HYKK: variants seen among roughly 807,000 people sequenced by gnomAD.
HYKK encodes hydroxylysine kinase, also known as 5-hydroxy-L-lysine kinase.
Under a neutral mutation model 29.7 loss-of-function variants are expected in HYKK, and 19 were observed. The ratio of observed to expected loss-of-function variants is 0.64; its 90% CI spans 0.45 to 0.94. HYKK has a LOEUF of 0.94. Among genes scored for constraint, HYKK ranks in the 40% least tolerant of loss-of-function variants. The pLI, the probability that HYKK is intolerant of heterozygous loss-of-function variation, is 0.00. For missense variants in HYKK, 390 were observed against 443.4 expected, an observed-to-expected ratio of 0.88 and a Z score of 1.08; for synonymous variants, 152 against 158.1, an observed-to-expected ratio of 0.96 and a Z score of 0.29.
chr15:78,513,294 C>T lies in HYKK; in HGVS notation c.206C>T (p.Thr69Ile). The change falls in exon 2 of 5, where the codon ACC (threonine) becomes ATC (isoleucine). Residue 69 changes from threonine (T) to isoleucine (I), a missense_variant. Thr to Ile is a moderately conservative substitution (Grantham distance 89, BLOSUM62 -1). Transcript: ENST00000388988. Reference sequence around the variant, plus strand: ...GAATATGTCCTCAAAATAAGCAACACCAAGGCTAGCAAAAATCCAGACCTG... The same window carrying T: ...GAATATGTCCTCAAAATAAGCAACATCAAGGCTAGCAAAAATCCAGACCTG... Reference protein sequence around the residue: ...PTEYVLKISNTKASKNPDLIE... With the variant: ...PTEYVLKISNIKASKNPDLIE... 1 of 1,614,188 alleles carries T rather than the reference C, an allele frequency of 6.2e-7. No individual in the cohort carries two copies.
intron 3 of HYKK, among the ~76,000 whole-genome samples, chr15:78,518,293 T>A (rs929989634): frequency 6.6e-6 from 1 of 152,142 alleles, no homozygotes; most frequent in Non-Finnish European, 1.5e-5. Flanking sequence ...GCTCAAGGGA[T>A]TCTCCTGCCT....
At chr15:78,508,881 A>AAAAAAAAAAAAT (rs1491522580) in intron 1 of HYKK, among the ~76,000 whole-genome samples, 1 of 19,076 alleles carries the variant, frequency 5.2e-5, no homozygotes, top group Non-Finnish European at 1.4e-4. Context: ...CTCTCTCTCC[A>AAAAAAAAAAAAT]AAAAAAAAAA....
At chr15:78,510,355 TTTTTTATTTTTA>T (rs1555410903) in intron 1 of HYKK, among the ~76,000 whole-genome samples, 1 of 151,852 alleles carries the variant, frequency 6.6e-6, no homozygotes, top group African/African-American at 2.4e-5. Context: ...GGCTAATTTT[TTTTTTATTTTTA>T]TTTTTATTTT....
In HYKK at chr15:78,525,419, G is replaced by A. The variant is rs2052241275; in HGVS notation, c.478-1961G>A. On this transcript the variant is annotated intron_variant, in intron 3 of 4. Coordinates refer to ENST00000388988, the MANE Select transcript of HYKK (RefSeq NM_001013619.4). ...GATCTGCCCGCCTTGGCCTCCCAAA[G>A]TGTTGGGATTACAGGCGTGAGCCAC... Among the ~76,000 whole-genome samples, 5 of 152,224 alleles carry A rather than the reference G, an allele frequency of 3.3e-5. No individual in the cohort carries two copies. The South Asian group carries it at 1.0e-3, about 32-fold the overall frequency.
intron 2 of HYKK, among the ~76,000 whole-genome samples, chr15:78,513,998 C>T (rs1321975840): frequency 6.6e-6 from 1 of 151,924 alleles, no homozygotes; most frequent in Non-Finnish European, 1.5e-5. Context: ...CGCCATGTTG[C>T]CCAGGCTGGT....
intron 1 of HYKK, among the ~76,000 whole-genome samples, chr15:78,510,800 A>G (rs1239283047): frequency 2.0e-5 from 3 of 152,070 alleles, no homozygotes; most frequent in Admixed American, 6.5e-5. Flanking sequence ...TTACTAGTTT[A>G]CTTAGGTTTT....
chr15:78,532,761 C>T (rs2052324487), intron 4 of HYKK, among the ~76,000 whole-genome samples: 1 of 152,090 alleles, frequency 6.6e-6, no homozygotes, highest in African/African-American at 2.4e-5. Flanking sequence ...TGCCACAGTA[C>T]TCCAGCTGGG....
At chr15:78,523,208 C>G (rs2141360288) in intron 3 of HYKK, among the ~76,000 whole-genome samples, 1 of 152,284 alleles carries the variant, frequency 6.6e-6, no homozygotes, top group South Asian at 2.1e-4. Flanking sequence ...GTACAGAAAG[C>G]ATAGTGGCTT....
chr15:78,516,655 G>A (rs2052136586), intron 3 of HYKK, among the ~76,000 whole-genome samples: 2 of 152,032 alleles, frequency 1.3e-5, no homozygotes, highest in African/African-American at 4.8e-5. Context: ...CCTAGCCAGG[G>A]GATTGGTCTT....
At chr15:78,529,847 A>T (rs1429270281) in intron 4 of HYKK, among the ~76,000 whole-genome samples, 5 of 150,442 alleles carry the variant, frequency 3.3e-5, no homozygotes, top group South Asian at 2.1e-4. Context: ...ATAATTCTAA[A>T]TTTTTTTTTT....
At chr15:78,527,844 A>G (rs2052271225) in intron 4 of HYKK, 4 of 734,804 alleles carry the variant, frequency 5.4e-6, no homozygotes, top group Non-Finnish European at 5.3e-6. Context: ...TGTGTTTTTC[A>G]AACTTTATAT....
Position 78,531,390 on chromosome 15 carries a change from T to G in HYKK, c.662-1820T>G, listed in dbSNP as rs75672873. On this transcript the variant is annotated intron_variant, in intron 4 of 4. Transcript: ENST00000388988. ...TCAAGTTTGTTAATCATTTTTAAAT[T>G]TTCTGTAACTTTCACTTACATTTTT... Among the ~76,000 whole-genome samples the G allele has an allele frequency of 3.7e-3, 564 of 152,312 alleles. 16 individuals are homozygous for G. The East Asian group carries it at 0.066, about 18-fold the overall frequency.
At chr15:78,512,465 G>A (rs973745534) in intron 1 of HYKK, among the ~76,000 whole-genome samples, 2 of 145,194 alleles carry the variant, frequency 1.4e-5, no homozygotes, top group Admixed American at 7.1e-5. Flanking sequence ...GTAGTGGTGC[G>A]ATCTTGGCTC....
intron 3 of HYKK, among the ~76,000 whole-genome samples, chr15:78,523,539 A>G (rs2052219503): frequency 6.6e-6 from 1 of 152,138 alleles, no homozygotes; most frequent in Admixed American, 6.5e-5. Flanking sequence ...GTCCTCCCAA[A>G]TGTCATGTCC....
At chr15:78,516,343 CTT>C (rs575124681) in intron 3 of HYKK, among the ~76,000 whole-genome samples, 25 of 115,922 alleles carry the variant, frequency 2.2e-4, no homozygotes, top group Admixed American at 2.9e-4. Flanking sequence ...AAGGGTTGGT[CTT>C]TTTTTTTTTT....
At chr15:78,509,117 A>T (rs1187718820) in intron 1 of HYKK, among the ~76,000 whole-genome samples, 3 of 151,866 alleles carry the variant, frequency 2.0e-5, no homozygotes, top group African/African-American at 4.8e-5. Flanking sequence ...TGATAAACAT[A>T]TTTTTTTCTT....
At chr15:78,526,982 A>G (rs933574426) in intron 3 of HYKK, among the ~76,000 whole-genome samples, 3 of 152,128 alleles carry the variant, frequency 2.0e-5, no homozygotes, top group Non-Finnish European at 1.5e-5. Context: ...TTGATTAAAA[A>G]TGTGTAGCAC....
intron 3 of HYKK, among the ~76,000 whole-genome samples, chr15:78,516,180 T>G (rs978749710): frequency 1.1e-4 from 16 of 152,104 alleles, no homozygotes; most frequent in African/African-American, 3.9e-4. Flanking sequence ...AACATCTTCA[T>G]TTATTCAATA....
intron 1 of HYKK, among the ~76,000 whole-genome samples, chr15:78,508,152 C>T (rs7168796): frequency 0.95 from 144,707 of 152,252 alleles, 69,258 homozygotes; most frequent in East Asian, 1. Context: ...TAGTAATGCA[C>T]TGTTGTCTTT....
Sources: gnomAD v4.1 joint callset for allele counts (sites outside exome capture counted in the v4.1 genomes callset) on GRCh38, gnomAD v4.1.1 for gene constraint, MANE v1.5 for transcripts, NCBI Gene and HGNC (gene_info 2026-07-23, HGNC 2026-07-21) for gene names.